The following FBXO11 variants were observed in gnomAD, a reference collection of about 807,000 sequenced individuals.
FBXO11 encodes F-box protein 11, also known as F-box only protein 11.
In FBXO11, 13 loss-of-function variants were observed where a neutral mutation model predicts 117.0. That is an observed-to-expected ratio of 0.11 (90% CI 0.07 to 0.18). The LOEUF (loss-of-function observed/expected upper bound fraction) is 0.18. FBXO11 is among the 10% of genes least tolerant of loss of function. FBXO11 has a pLI of 1.00. For missense variants in FBXO11, 767 were observed against 1,164.4 expected (o/e 0.66, Z 4.97); for synonymous variants, 490 against 380.5 (o/e 1.29, Z -3.35).
chr2:47,889,780 A>C (rs1407495604), intron 1 of FBXO11, among the ~76,000 whole-genome samples: 1 of 152,214 alleles, frequency 6.6e-6, no homozygotes, highest in African/African-American at 2.4e-5. Flanking sequence ...TATTAAACAG[A>C]CATGAGTCCA....
rs2104808242 is a variant in FBXO11, at chr2:47,832,481, T to C, written c.1266A>G (p.Ile422Met). 6.2e-7 allele frequency: 1 copy of C among 1,612,960 alleles called. No homozygotes were observed. The highest frequency in any genetic ancestry group is 8.5e-7 in the Non-Finnish European group (1 of 1,179,586). ...GLYITDHAQG[I>M]YEDNEISNNA... ...TATTGGAAATTTCATTATCCTCATA[T>C]ATTCCCTACAACAAGTTATCAGAAA... The change falls in exon 11 of 23, where the codon ATA (isoleucine) becomes ATG (methionine). Residue 422 changes from isoleucine (I) to methionine (M), a missense_variant. Physicochemically the swap from Ile to Met is conservative, Grantham distance 10 (BLOSUM62 1). Transcript: ENST00000403359.
In FBXO11 at chr2:47,807,997, G is replaced by A; in HGVS notation, c.*121C>T. 1.7e-5 allele frequency: 15 copies of A among 875,554 alleles called. No homozygotes were observed. The South Asian group carries it at 2.5e-4, about 15-fold the overall frequency. The allele number at this position is 875,554 out of a possible 1,614,324, so 54.2% of individuals were successfully genotyped here. On this transcript the variant is annotated 3_prime_UTR_variant, in exon 23 of 23. Transcript: ENST00000403359. ...GAGCTTCATAGTGTCAACTGACCTT[G>A]TGTATCCATTTTTAATACAGTCTCT...
chr2:47,850,392 CATAA>C (rs374015026), intron 1 of FBXO11, among the ~76,000 whole-genome samples: 40 of 152,078 alleles, frequency 2.6e-4, no homozygotes, highest in African/African-American at 9.2e-4. Context: ...TTGGGTTGGA[CATAA>C]ATAAGAGAAT....
Position 47,835,922 on chromosome 2 carries a change from G to A in FBXO11, c.667C>T (p.Pro223Ser). The change falls in exon 5 of 23, where the codon CCA becomes TCA. Residue 223 changes from proline (P) to serine (S), a missense_variant. Pro to Ser is a moderately conservative substitution (Grantham distance 74). Around this residue, in one of 10 missense-constraint regions of FBXO11, gnomAD observed 355 missense variants for 299.8 expected, o/e 1.18. Transcript: ENST00000403359. ...GGATTTGGATGTTCATACTCTTCTG[G>A]ATTAATCTGGTAGAATTTTCCAGGT... ...PEPGKFYQIN[P>S]EEYEHPNPWK... is the part of the protein sequence containing the mutation. The A allele has an allele frequency of 1.2e-6, 2 of 1,611,574 alleles. No homozygotes were observed. The highest frequency in any genetic ancestry group is 1.7e-6 in the Non-Finnish European group (2 of 1,177,990).
At chr2:47,822,424 T>G (rs1671457630) in intron 12 of FBXO11, 121 bp from the exon 13 acceptor site, 1 of 605,762 alleles carries the variant, frequency 1.7e-6, no homozygotes, top group African/African-American at 1.9e-5. Context: ...AGGCCTCAAT[T>G]TCTTCATTAT....
At chr2:47,879,651 C>T (rs1676294660) in intron 1 of FBXO11, among the ~76,000 whole-genome samples, 1 of 152,194 alleles carries the variant, frequency 6.6e-6, no homozygotes, top group Non-Finnish European at 1.5e-5. Context: ...GAAGGCTACC[C>T]TCTGTCTATG....
Position 47,807,904 on chromosome 2 carries a change from CAGT to C in FBXO11, c.*211_*213del. 2.0e-6 allele frequency: 1 copy of C among 490,924 alleles called. No homozygotes were observed. Among genetic ancestry groups the C allele is most frequent in the Non-Finnish European group, 3.7e-6 (1 of 273,812 alleles). 30.4% of individuals were successfully genotyped at this position (490,924 alleles called of 1,614,324 possible). ...ACTTCTGTCCCTTCAAGTCTTTACA[CAGT>C]AATGCTAAAACACCCAGCTTTGAGA... On this transcript the variant is annotated 3_prime_UTR_variant, in exon 23 of 23. Coordinates refer to ENST00000403359, the MANE Select transcript of FBXO11 (RefSeq NM_001190274.2).
chr2:47,887,332 ATT>A (rs779106767), intron 1 of FBXO11, among the ~76,000 whole-genome samples: 1 of 144,102 alleles, frequency 6.9e-6, no homozygotes. Context: ...CCTATCTCGA[ATT>A]TTTTTTTTTT....
In FBXO11 at chr2:47,858,694, A is replaced by AG. The variant is rs1202579869; in HGVS notation, c.233-18926_233-18925insC. Among the ~76,000 whole-genome samples the AG allele has an allele frequency of 1.6e-3, 234 of 150,874 alleles. 4 individuals carry two copies. Among genetic ancestry groups the AG allele is most frequent in the African/African-American group, 5.2e-3 (216 of 41,244 alleles). ...GAGACTCTGCCTCAAAAAAAAAAAAAAAAAAAGAAAAGAAAAATGAAAAAC... is the reference window on the plus strand; with the variant it reads ...GAGACTCTGCCTCAAAAAAAAAAAAAGAAAAAAGAAAAGAAAAATGAAAAAC... On this transcript the variant is annotated intron_variant, in intron 1 of 22. Coordinates refer to ENST00000403359, the MANE Select transcript of FBXO11 (RefSeq NM_001190274.2).
rs1397409147 is a variant in FBXO11 at position 47,906,248 on chromosome 2, AC to A, written c.-529del. The A allele has an allele frequency of 6.1e-6, 1 of 163,108 alleles. No homozygotes were observed. The highest frequency in any genetic ancestry group is 1.3e-5 in the Non-Finnish European group (1 of 75,436). 10.1% of individuals were successfully genotyped at this position (163,108 alleles called of 1,614,324 possible). On this transcript the variant is annotated 5_prime_UTR_variant, in exon 1 of 23. Coordinates refer to ENST00000403359, the MANE Select transcript of FBXO11 (RefSeq NM_001190274.2). ...TTTTTTCCCTCTTCCTCCCCCCCAC[AC>A]CCCCTGAAAGAGATTTCTGTGAGGA...
At chr2:47,864,672 C>T (rs1234144166) in intron 1 of FBXO11, among the ~76,000 whole-genome samples, 2 of 152,096 alleles carry the variant, frequency 1.3e-5, no homozygotes, top group Non-Finnish European at 2.9e-5. Flanking sequence ...ATGTTATAAA[C>T]AAACAATAGA....
At chr2:47,849,591 A>G (rs1673693862) in intron 1 of FBXO11, among the ~76,000 whole-genome samples, 1 of 152,256 alleles carries the variant, frequency 6.6e-6, no homozygotes, top group South Asian at 2.1e-4. Flanking sequence ...ACAGACAACT[A>G]AACAGGCAGT....
chr2:47,851,585 C>G (rs1039212074), intron 1 of FBXO11, among the ~76,000 whole-genome samples: 1 of 152,096 alleles, frequency 6.6e-6, no homozygotes, highest in African/African-American at 2.4e-5. Flanking sequence ...ACTGAGGGAA[C>G]TGTTCTAGTA....
chr2:47,827,815 G>C lies in FBXO11; in HGVS notation c.1399-4455C>G, dbSNP rs185475597. On this transcript the variant is annotated intron_variant, in intron 11 of 22. Coordinates refer to ENST00000403359, the MANE Select transcript of FBXO11 (RefSeq NM_001190274.2). Reference sequence around the variant, plus strand: ...AGGTTCAAGCAATTTTCGTGCCTCAGCCTCCAAAGTAGCTGGGATTACAGG... The same window carrying C: ...AGGTTCAAGCAATTTTCGTGCCTCACCCTCCAAAGTAGCTGGGATTACAGG... Among the ~76,000 whole-genome samples the C allele has an allele frequency of 8.5e-4, 129 of 151,744 alleles. 1 individual carries two copies. The highest frequency in any genetic ancestry group is 2.9e-3 in the African/African-American group (122 of 41,394).
At chr2:47,882,944 C>A (rs1676545644) in intron 1 of FBXO11, among the ~76,000 whole-genome samples, 1 of 152,170 alleles carries the variant, frequency 6.6e-6, no homozygotes, top group East Asian at 1.9e-4. Flanking sequence ...TCCCCATGCC[C>A]AGCCATTTGC....
At chr2:47,890,337 T>C (rs879589438) in intron 1 of FBXO11, among the ~76,000 whole-genome samples, 3 of 152,126 alleles carry the variant, frequency 2.0e-5, no homozygotes, top group Admixed American at 1.3e-4. Flanking sequence ...TAGTCAATTA[T>C]CATCCTAAAG....
chr2:47,887,634 G>T (rs1296083899), intron 1 of FBXO11, among the ~76,000 whole-genome samples: 1 of 152,098 alleles, frequency 6.6e-6, no homozygotes, highest in Non-Finnish European at 1.5e-5. Flanking sequence ...GCTGAGGTGG[G>T]CGAACTGCTG....
chr2:47,809,582 T>A lies in FBXO11; in HGVS notation c.2446+18A>T. On this transcript the variant is annotated intron_variant, in intron 20 of 22. Coordinates refer to ENST00000403359, the MANE Select transcript of FBXO11 (RefSeq NM_001190274.2). ...GGCATATTGCATATATTTATAGGTA[T>A]AGCAGACTCCAACATACCTTTCATT... is the stretch of plus-strand genomic sequence containing the variant. The A allele has an allele frequency of 6.5e-7, 1 of 1,544,698 alleles. No individual in the cohort carries two copies. Among genetic ancestry groups the A allele is most frequent in the African/African-American group, 1.4e-5 (1 of 73,524 alleles).
chr2:47,902,020 C>T (rs1199252503), intron 1 of FBXO11, among the ~76,000 whole-genome samples: 1 of 152,244 alleles, frequency 6.6e-6, no homozygotes, highest in Non-Finnish European at 1.5e-5. Context: ...ACTACAACCT[C>T]AGCCTCCCGC....
Sources: gnomAD v4.1 joint callset for allele counts (sites outside exome capture counted in the v4.1 genomes callset) on GRCh38, gnomAD v4.1.1 for gene constraint, gnomAD v4.1.1 regional missense constraint, MANE v1.5 for transcripts, NCBI Gene and HGNC (gene_info 2026-07-23, HGNC 2026-07-21) for gene names.